ABHD12: variants seen among roughly 807,000 people sequenced by gnomAD.
ABHD12 encodes lysophosphatidylserine lipase ABHD12.
A neutral mutation model predicts 58.3 loss-of-function variants in ABHD12; 43 were observed. The observed-to-expected ratio is 0.74, with a 90% confidence interval of 0.58 to 0.95. The LOEUF (loss-of-function observed/expected upper bound fraction) is 0.95, where lower values mean the gene tolerates loss of function less well. ABHD12 is among the 40% of genes least tolerant of loss of function. ABHD12 has a pLI of 0.00. For missense variants in ABHD12, 539 were observed against 537.2 expected, an observed-to-expected ratio of 1.00 and a Z score of -0.03; for synonymous variants, 219 against 211.2, an observed-to-expected ratio of 1.04 and a Z score of -0.32.
At chr20:25,358,570 T>C in intron 1 of ABHD12, among the ~76,000 whole-genome samples, 1 of 152,194 alleles carries the variant, frequency 6.6e-6, no homozygotes, top group South Asian at 2.1e-4. Flanking sequence ...CACCATCACC[T>C]GCACACCCTC....
In ABHD12 at chr20:25,317,097, C is replaced by G; in HGVS notation, c.543-19G>C. On this transcript the variant is annotated intron_variant, in intron 4 of 12. Transcript: ENST00000339157. ...GCCTCCTCTGGAGAAGAAAACAGGACATGGTGTGAGCACATCTTCTCAGAG... is the reference window on the plus strand; with the variant it reads ...GCCTCCTCTGGAGAAGAAAACAGGAGATGGTGTGAGCACATCTTCTCAGAG... The G allele has an allele frequency of 6.2e-7, 1 of 1,606,770 alleles. No homozygotes were observed. The highest frequency in any genetic ancestry group is 8.5e-7 in the Non-Finnish European group (1 of 1,174,236).
In ABHD12 at chr20:25,303,086, A is replaced by C. The variant is rs578071672; in HGVS notation, c.1029+464T>G. On this transcript the variant is annotated intron_variant, in intron 11 of 12. Coordinates refer to ENST00000339157, the MANE Select transcript of ABHD12 (RefSeq NM_001042472.3). ...CTGGTTCTGGTATCAGCGCAATTCC[A>C]AAGGCAAGGAAACAGGCTAGAAGTT... Among the ~76,000 whole-genome samples the C allele has an allele frequency of 3.3e-5, 5 of 152,312 alleles. No individual in the cohort carries two copies. In the South Asian group the frequency reaches 1.0e-3, roughly 32 times the overall value.
chr20:25,300,853 G>A lies in ABHD12; in HGVS notation c.1189C>T (p.Gln397Ter), dbSNP rs745990956. ...CCTTCCCACGGCCAGGCTCAGTGCT[G>A]GTGCTCAGGCTCCGACTTCCCCAGG... The part of the protein sequence containing the change: ...EFLGKSEPEH[Q>*]H The change falls in exon 13 of 13, where the codon CAG (glutamine) becomes TAG (stop). Residue 397 changes from glutamine (Q) to a stop codon, truncating the protein, a stop_gained. Transcript: ENST00000339157. LOFTEE classifies it high-confidence loss of function. 41 of 1,613,976 alleles carry A rather than the reference G, an allele frequency of 2.5e-5. No individual in the cohort carries two copies. In the Middle Eastern group the frequency reaches 6.6e-4, roughly 26 times the overall value.
downstream of ABHD12, chr20:25,300,201 A>G (rs2088609920): frequency 1.0e-6 from 1 of 995,766 alleles, no homozygotes; most frequent in Non-Finnish European, 1.2e-6. Flanking sequence ...CTCGCGCTGC[A>G]GAGAGACAAA....
At chr20:25,343,045 T>G (rs1409403671) in intron 1 of ABHD12, among the ~76,000 whole-genome samples, 1 of 152,208 alleles carries the variant, frequency 6.6e-6, no homozygotes, top group African/African-American at 2.4e-5. Flanking sequence ...TCCACCTACC[T>G]TGGCCTCCCA....
intron 2 of ABHD12, among the ~76,000 whole-genome samples, chr20:25,333,904 G>A (rs944816929): frequency 6.6e-6 from 1 of 152,194 alleles, no homozygotes; most frequent in Non-Finnish European, 1.5e-5. Flanking sequence ...GCAGAAGACA[G>A]GGATGCCCTC....
chr20:25,320,538 G>A (rs576401745), intron 3 of ABHD12, among the ~76,000 whole-genome samples: 31 of 152,370 alleles, frequency 2.0e-4, no homozygotes, highest in African/African-American at 6.7e-4. Flanking sequence ...GGCACTGACA[G>A]CTTCAGCAGG....
downstream of ABHD12, chr20:25,296,880 G>T (rs200245809): frequency 1.5e-4 from 31 of 213,074 alleles, no homozygotes; most frequent in Non-Finnish European, 2.6e-4. Flanking sequence ...CTTTAGTGTT[G>T]AGCCTCTGGA....
intron 1 of ABHD12, among the ~76,000 whole-genome samples, chr20:25,355,792 C>T (rs577827676): frequency 3.3e-5 from 5 of 152,122 alleles, no homozygotes; most frequent in South Asian, 2.1e-4. Flanking sequence ...CTCCTGATCT[C>T]GTGATCCACC....
rs2260197 is a variant in ABHD12 at position 25,303,707 on chromosome 20, T to C, written c.951-79A>G. 905,063 of 1,590,466 alleles carry C rather than the reference T, an allele frequency of 0.57. 266,808 individuals carry two copies. Among genetic ancestry groups the C allele is most frequent in the East Asian group, 0.99 (43,948 of 44,270 alleles). The stretch of plus-strand genomic sequence containing the variant: ...AGACCCTCTGTCCATGGCAGGGATC[T>C]GGGTTCAGGGTGTGTTTTGGGAAAC... On this transcript the variant is annotated intron_variant, in intron 10 of 12. Coordinates refer to ENST00000339157, the MANE Select transcript of ABHD12 (RefSeq NM_001042472.3).
At chr20:25,377,462 A>G (rs1019809983) in intron 1 of ABHD12, among the ~76,000 whole-genome samples, 1 of 152,206 alleles carries the variant, frequency 6.6e-6, no homozygotes, top group Non-Finnish European at 1.5e-5. Flanking sequence ...TCAAGGGGCC[A>G]TATCTGGTGA....
chr20:25,373,472 G>A (rs941805389), intron 1 of ABHD12, among the ~76,000 whole-genome samples: 12 of 151,976 alleles, frequency 7.9e-5, no homozygotes, highest in African/African-American at 2.4e-4. Flanking sequence ...GCTTGAATCC[G>A]GAAGATGAAG....
At chr20:25,390,246 GC>G (rs2090151674) in intron 1 of ABHD12, 1 of 353,068 alleles carries the variant, frequency 2.8e-6, no homozygotes, top group Admixed American at 4.9e-5. Flanking sequence ...GCAAGGCTAG[GC>G]CAGGAGTGCC....
downstream of ABHD12, among the ~76,000 whole-genome samples, chr20:25,299,405 CAA>C: frequency 6.6e-6 from 1 of 151,508 alleles, no homozygotes; most frequent in Middle Eastern, 3.4e-3. Flanking sequence ...CTCAAAAAAA[CAA>C]AAAACCCACC....
intron 1 of ABHD12, among the ~76,000 whole-genome samples, chr20:25,341,402 G>A (rs2089452592): frequency 1.3e-5 from 2 of 152,128 alleles, no homozygotes; most frequent in Non-Finnish European, 2.9e-5. Flanking sequence ...CATCTTAAAC[G>A]CCATACATGA....
At chr20:25,313,988 T>TG (rs2088913799) in intron 6 of ABHD12, among the ~76,000 whole-genome samples, 1 of 151,844 alleles carries the variant, frequency 6.6e-6, no homozygotes, top group African/African-American at 2.4e-5. Flanking sequence ...TCTTTTTTTT[T>TG]TTTGACATGG....
downstream of ABHD12, chr20:25,297,812 C>T (rs199583513): frequency 2.1e-5 from 3 of 145,598 alleles, no homozygotes; most frequent in Non-Finnish European, 3.0e-5. Context: ...CACCAGAGCA[C>T]TACAGCCTTT....
chr20:25,331,825 A>C (rs1446331525), intron 2 of ABHD12, among the ~76,000 whole-genome samples: 2 of 152,176 alleles, frequency 1.3e-5, no homozygotes, highest in Non-Finnish European at 2.9e-5. Context: ...TGGAAAGGAA[A>C]AACCGGTACC....
chr20:25,308,757 C>T (rs534714590), intron 7 of ABHD12, among the ~76,000 whole-genome samples: 17 of 152,298 alleles, frequency 1.1e-4, no homozygotes, highest in African/African-American at 3.1e-4. Flanking sequence ...ACTGCCCGTA[C>T]ACTCCCATTG....
Sources: gnomAD v4.1 joint callset for allele counts (sites outside exome capture counted in the v4.1 genomes callset) on GRCh38, gnomAD v4.1.1 for gene constraint, MANE v1.5 for transcripts, NCBI Gene and HGNC (gene_info 2026-07-23, HGNC 2026-07-21) for gene names.